ATP10A: variants seen among roughly 807,000 people sequenced by gnomAD.
The protein encoded by ATP10A is ATPase phospholipid transporting 10A (putative).
A neutral mutation model predicts 147.8 loss-of-function variants in ATP10A; 111 were observed. The ratio of observed to expected loss-of-function variants is 0.75; its 90% CI spans 0.64 to 0.88. The LOEUF (loss-of-function observed/expected upper bound fraction) is 0.88. Ranked by LOEUF, ATP10A falls within the 40% of genes least tolerant of loss-of-function variation. The pLI is 0.00. For synonymous variants in ATP10A, 875 were observed against 841.6 expected, an observed-to-expected ratio of 1.04 and a Z score of -0.69; for missense variants, 1,927 against 1,959.0, an observed-to-expected ratio of 0.98 and a Z score of 0.31.
Position 25,821,463 on chromosome 15 carries a change from T to C in ATP10A, c.450-40240A>G, listed in dbSNP as rs983140845. ...CCTTACAGAAACAACATTGAATAGA[T>C]AAAAACTGGAAACAAAAAGATGTCA... On this transcript the variant is annotated intron_variant, in intron 1 of 20. Coordinates refer to ENST00000555815, the MANE Select transcript of ATP10A (RefSeq NM_024490.4). Among the ~76,000 whole-genome samples the C allele has an allele frequency of 3.3e-5, 5 of 151,804 alleles. 1 individual carries two copies. The highest frequency in any genetic ancestry group is 2.6e-4 in the Admixed American group (4 of 15,264).
intron 1 of ATP10A, among the ~76,000 whole-genome samples, chr15:25,831,437 A>G (rs1412988345): frequency 6.6e-6 from 1 of 152,260 alleles, no homozygotes; most frequent in Admixed American, 6.5e-5. Context: ...GCATTTAGTC[A>G]TTCTCTAAAA....
chr15:25,721,755 T>C lies in ATP10A; in HGVS notation c.1265A>G (p.Gln422Arg). ...GCCAGTTTTATCTGAGAAAATGTACTGTATCTGTCCTAAGTCTTCCGTGAT... is the reference window on the plus strand; with the variant it reads ...GCCAGTTTTATCTGAGAAAATGTACCGTATCTGTCCTAAGTCTTCCGTGAT... ...LNITEDLGQI[Q>R]YIFSDKTGTL... The change falls in exon 7 of 21, where the codon CAG becomes CGG. Residue 422 changes from glutamine (Q) to arginine (R), a missense_variant. Transcript: ENST00000555815. The C allele has an allele frequency of 1.2e-6, 2 of 1,614,222 alleles. No homozygotes were observed. Among genetic ancestry groups the C allele is most frequent in the South Asian group, 1.1e-5 (1 of 91,084 alleles).
At chr15:25,725,649 T>TG (rs1902497876) in intron 5 of ATP10A, among the ~76,000 whole-genome samples, 1 of 151,836 alleles carries the variant, frequency 6.6e-6, no homozygotes, top group African/African-American at 2.4e-5. Flanking sequence ...TTTTTTTTTT[T>TG]TTGGAAACAG....
At chr15:25,850,028 G>C (rs1459425774) in intron 1 of ATP10A, among the ~76,000 whole-genome samples, 5 of 152,042 alleles carry the variant, frequency 3.3e-5, no homozygotes, top group African/African-American at 1.2e-4. Context: ...TTAATTATGA[G>C]GGACAAGACA....
Position 25,862,992 on chromosome 15 carries a change from C to A in ATP10A, c.105G>T (p.Pro35=). The A allele has an allele frequency of 7.1e-7, 1 of 1,416,572 alleles. No individual in the cohort carries two copies. Among genetic ancestry groups the A allele is most frequent in the South Asian group, 1.5e-5 (1 of 64,674 alleles). The allele number at this position is 1,416,572 out of a possible 1,614,324, so 87.8% of individuals were successfully genotyped here. A position where few individuals can be genotyped will look rare whatever the true frequency, so the allele number is the denominator to read the frequency against. The change falls in exon 1 of 21, where the codon CCG becomes CCT. Residue 35 remains proline, a synonymous_variant. Transcript: ENST00000555815. ...RTVRSNLLPP[P]GAEDPAAGAA... is the part of the protein sequence containing the mutation. ...CGCCAGCCGCAGGGTCCTCGGCGCCCGGGGGCGGCAGCAGGTTGGAGCGCA... is the reference window on the plus strand; with the variant it reads ...CGCCAGCCGCAGGGTCCTCGGCGCCAGGGGGCGGCAGCAGGTTGGAGCGCA...
intron 2 of ATP10A, among the ~76,000 whole-genome samples, chr15:25,738,113 A>C (rs1475920462): frequency 6.7e-6 from 1 of 149,030 alleles, no homozygotes. Context: ...AATCCTGTTT[A>C]CATTGCTTAT....
chr15:25,779,845 A>AACACACATAC (rs1555468575), intron 2 of ATP10A, among the ~76,000 whole-genome samples: 2 of 147,378 alleles, frequency 1.4e-5, no homozygotes, highest in African/African-American at 5.1e-5. Context: ...AGAAGGTTAA[A>AACACACATAC]ACACACACAC....
At chr15:25,749,319 AT>A (rs1033172625) in intron 2 of ATP10A, among the ~76,000 whole-genome samples, 3 of 152,204 alleles carry the variant, frequency 2.0e-5, no homozygotes, top group Non-Finnish European at 4.4e-5. Context: ...TTATTAAGAG[AT>A]TAAAGATGGT....
intron 1 of ATP10A, among the ~76,000 whole-genome samples, chr15:25,852,938 C>T: frequency 6.6e-6 from 1 of 152,230 alleles, no homozygotes; most frequent in Admixed American, 6.5e-5. Flanking sequence ...TCCTGTTAAT[C>T]TGCCCTTTGT....
At chr15:25,815,407 G>A (rs923331825) in intron 1 of ATP10A, among the ~76,000 whole-genome samples, 2 of 131,232 alleles carry the variant, frequency 1.5e-5, no homozygotes, top group African/African-American at 6.9e-5. Context: ...AAGGATGAAC[G>A]GTAGCTCCCT....
chr15:25,749,684 G>A (rs1888045352), intron 2 of ATP10A, among the ~76,000 whole-genome samples: 1 of 152,128 alleles, frequency 6.6e-6, no homozygotes, highest in African/African-American at 2.4e-5. Flanking sequence ...ATCTAACATA[G>A]AAGAGACACA....
At chr15:25,766,673 C>G (rs747822276) in intron 2 of ATP10A, among the ~76,000 whole-genome samples, 1 of 151,962 alleles carries the variant, frequency 6.6e-6, no homozygotes, top group Non-Finnish European at 1.5e-5. Context: ...AGGAACCACA[C>G]GCTCAAACAC....
chr15:25,816,235 C>T (rs1254108412), intron 1 of ATP10A, among the ~76,000 whole-genome samples: 1 of 50,446 alleles, frequency 2.0e-5, no homozygotes, highest in Admixed American at 2.2e-4. Context: ...TTTTATTTTG[C>T]TTTGTTTTTT....
At chr15:25,782,079 T>C (rs760411345) in intron 1 of ATP10A, among the ~76,000 whole-genome samples, 8 of 152,188 alleles carry the variant, frequency 5.3e-5, no homozygotes, top group Non-Finnish European at 1.2e-4. Flanking sequence ...AGGTGAATAA[T>C]AAACAAAATG....
intron 2 of ATP10A, among the ~76,000 whole-genome samples, chr15:25,771,384 A>C (rs575254504): frequency 6.6e-6 from 1 of 152,302 alleles, no homozygotes; most frequent in East Asian, 1.9e-4. Context: ...AACCTGAGCA[A>C]CATAGTGAGA....
chr15:25,736,168 A>T (rs745740059), intron 2 of ATP10A, 27 bp from the exon 3 acceptor site: 2 of 1,597,454 alleles, frequency 1.3e-6, no homozygotes, highest in African/African-American at 1.3e-5. Context: ...TAGACATTAG[A>T]GAAATCCGGG....
intron 1 of ATP10A, among the ~76,000 whole-genome samples, chr15:25,859,804 C>T (rs766103891): frequency 6.6e-6 from 1 of 152,100 alleles, no homozygotes; most frequent in African/African-American, 2.4e-5. Flanking sequence ...TAAATAATAA[C>T]ATAAACGATG....
chr15:25,821,551 G>C (rs1356194060), intron 1 of ATP10A, among the ~76,000 whole-genome samples: 1 of 152,174 alleles, frequency 6.6e-6, no homozygotes, highest in African/African-American at 2.4e-5. Flanking sequence ...GTGAGAGTTG[G>C]GGAGGGGCCT....
intron 3 of ATP10A, among the ~76,000 whole-genome samples, chr15:25,727,584 G>A (rs1028929568): frequency 4.6e-5 from 7 of 152,130 alleles, no homozygotes; most frequent in Non-Finnish European, 8.8e-5. Context: ...CTCCCAACCG[G>A]CCAAGGAAGG....
Sources: gnomAD v4.1 joint callset for allele counts (sites outside exome capture counted in the v4.1 genomes callset) on GRCh38, gnomAD v4.1.1 for gene constraint, MANE v1.5 for transcripts, NCBI Gene and HGNC (gene_info 2026-07-23, HGNC 2026-07-21) for gene names.